HEPHL1: variants seen among roughly 807,000 people sequenced by gnomAD.
HEPHL1 encodes the protein ferroxidase HEPHL1.
A neutral mutation model predicts 122.0 loss-of-function variants in HEPHL1; 123 were observed. That is an observed-to-expected ratio of 1.01 (90% CI 0.87 to 1.17). The LOEUF is 1.17. Ranked by LOEUF, HEPHL1 falls within the 50% of genes most tolerant of loss-of-function variation. HEPHL1 has a pLI of 0.00. For missense variants in HEPHL1, 1,452 were observed against 1,430.5 expected (o/e 1.01, Z -0.24); for synonymous variants, 527 against 508.9 (o/e 1.04, Z -0.48).
At chr11:94,044,190 G>A (rs1945813142) in intron 1 of HEPHL1, among the ~76,000 whole-genome samples, 1 of 152,098 alleles carries the variant, frequency 6.6e-6, no homozygotes. Flanking sequence ...CACCTCCCAA[G>A]TGGTGCTATT....
intron 17 of HEPHL1, among the ~76,000 whole-genome samples, chr11:94,106,587 G>A (rs968938982): frequency 6.6e-6 from 1 of 152,032 alleles, no homozygotes; most frequent in Admixed American, 6.6e-5. Context: ...GAGCCACCAC[G>A]CCAGGCCTGG....
At chr11:94,096,382 TG>T (rs566696574) in intron 13 of HEPHL1, among the ~76,000 whole-genome samples, 2 of 152,348 alleles carry the variant, frequency 1.3e-5, no homozygotes, top group African/African-American at 4.8e-5. Flanking sequence ...CACTTGATCA[TG>T]GTGGATAAAC....
chr11:94,036,559 C>T lies in HEPHL1; in HGVS notation c.171-9114C>T, dbSNP rs189247006. Among the ~76,000 whole-genome samples the T allele has an allele frequency of 5.7e-4, 87 of 152,230 alleles. 1 individual carries two copies. Among genetic ancestry groups the T allele is most frequent in the Admixed American group, 4.8e-3 (73 of 15,288 alleles). On this transcript the variant is annotated intron_variant, in intron 1 of 19. Coordinates refer to ENST00000315765, the MANE Select transcript of HEPHL1 (RefSeq NM_001098672.2). ...GTCTTCTAGATCCAACTGGTCTACCCATCTTAGAATTACCCTGACACTCAC... is the reference window on the plus strand; with the variant it reads ...GTCTTCTAGATCCAACTGGTCTACCTATCTTAGAATTACCCTGACACTCAC...
chr11:94,049,460 T>A (rs2134418133), intron 2 of HEPHL1, among the ~76,000 whole-genome samples: 1 of 152,006 alleles, frequency 6.6e-6, no homozygotes, highest in South Asian at 2.1e-4. Context: ...AAATGAAAAC[T>A]AGAACTCCCA....
intron 1 of HEPHL1, among the ~76,000 whole-genome samples, chr11:94,026,713 C>T (rs1258155192): frequency 1.3e-5 from 2 of 152,162 alleles, no homozygotes; most frequent in South Asian, 2.1e-4. Flanking sequence ...CAGGTGGCAT[C>T]GGGAGGATTT....
intron 15 of HEPHL1, 52 bp downstream of exon 15, chr11:94,103,072 A>T (rs1213449456): frequency 9.8e-7 from 1 of 1,021,062 alleles, no homozygotes; most frequent in African/African-American, 1.6e-5. Flanking sequence ...ATGAAAGTTG[A>T]CTACTTGGGT....
At position 94,038,091 on chromosome 11, in the gene HEPHL1, G is replaced by A. The variant is rs1024740959; in HGVS notation, c.171-7582G>A. Among the ~76,000 whole-genome samples the A allele has an allele frequency of 1.6e-3, 240 of 149,556 alleles. 3 individuals carry two copies. Among genetic ancestry groups the A allele is most frequent in the African/African-American group, 5.6e-3 (223 of 40,164 alleles). ...GAAGAATGCAGAAGCCTCAGGAGCC[G>A]ATGCGATCGACTGGAAGAAAGGGTA... On this transcript the variant is annotated intron_variant, in intron 1 of 19. Transcript: ENST00000315765.
chr11:94,033,453 T>C (rs946909421), intron 1 of HEPHL1, among the ~76,000 whole-genome samples: 1 of 152,092 alleles, frequency 6.6e-6, no homozygotes, highest in Non-Finnish European at 1.5e-5. Context: ...TGGCCATTTG[T>C]GTAGGGTAAG....
At chr11:94,042,882 A>AAAAAAAAAAAAAAAAAC (rs1449884226) in intron 1 of HEPHL1, among the ~76,000 whole-genome samples, 118 of 136,854 alleles carry the variant, frequency 8.6e-4, no homozygotes, top group Middle Eastern at 3.6e-3. Context: ...TAATAAAAAA[A>AAAAAAAAAAAAAAAAAC]AAAAAAAAAA....
chr11:94,044,973 A>G (rs1945820793), intron 1 of HEPHL1, among the ~76,000 whole-genome samples: 1 of 151,958 alleles, frequency 6.6e-6, no homozygotes, highest in Non-Finnish European at 1.5e-5. Flanking sequence ...TGGCATGATC[A>G]TGGCTCACTG....
At chr11:94,043,801 T>A (rs986474251) in intron 1 of HEPHL1, among the ~76,000 whole-genome samples, 1 of 152,070 alleles carries the variant, frequency 6.6e-6, no homozygotes, top group Non-Finnish European at 1.5e-5. Context: ...TGACTCCAGA[T>A]TAGATGCCCC....
At chr11:94,059,009 G>C (rs140783945) in intron 2 of HEPHL1, among the ~76,000 whole-genome samples, 35 of 152,094 alleles carry the variant, frequency 2.3e-4, no homozygotes, top group Admixed American at 2.3e-3. Context: ...AGAGTAAAGA[G>C]GTATAAGAAG....
chr11:94,027,454 C>T (rs979856687), intron 1 of HEPHL1, among the ~76,000 whole-genome samples: 1 of 152,134 alleles, frequency 6.6e-6, no homozygotes, highest in Non-Finnish European at 1.5e-5. Context: ...GAGCAGGAGC[C>T]CTGGGGGAAA....
chr11:94,044,751 C>T (rs1252745948), intron 1 of HEPHL1, among the ~76,000 whole-genome samples: 1 of 149,752 alleles, frequency 6.7e-6, no homozygotes, highest in Non-Finnish European at 1.5e-5. Context: ...GCAATCTTTT[C>T]ATTCTCCAAA....
intron 12 of HEPHL1, among the ~76,000 whole-genome samples, chr11:94,090,843 G>C (rs1329758398): frequency 6.6e-6 from 1 of 152,064 alleles, no homozygotes; most frequent in Non-Finnish European, 1.5e-5. Flanking sequence ...TATTATCCTG[G>C]TCAGCACAGG....
chr11:94,101,147 T>A, intron 13 of HEPHL1, 48 bp from the exon 14 acceptor site: 2 of 1,589,758 alleles, frequency 1.3e-6, no homozygotes, highest in Non-Finnish European at 1.7e-6. Flanking sequence ...ATTACACTAA[T>A]GTTGAAAGAG....
At chr11:94,054,784 T>C (rs1945921844) in intron 2 of HEPHL1, among the ~76,000 whole-genome samples, 1 of 152,252 alleles carries the variant, frequency 6.6e-6, no homozygotes, top group Admixed American at 6.5e-5. Flanking sequence ...AAAGCCAGTC[T>C]GCATAGGCAC....
At chr11:94,093,461 C>A (rs1314612281) in intron 12 of HEPHL1, 40 bp from the exon 13 acceptor site, 2 of 1,611,290 alleles carry the variant, frequency 1.2e-6, no homozygotes, top group Non-Finnish European at 1.7e-6. Flanking sequence ...AGCTTTTCTG[C>A]TTTCTGACAA....
intron 13 of HEPHL1, among the ~76,000 whole-genome samples, chr11:94,095,697 G>C (rs537307822): frequency 2.6e-5 from 4 of 152,016 alleles, no homozygotes; most frequent in Non-Finnish European, 4.4e-5. Context: ...CTTTTATTTT[G>C]TTGAGCAGTG....
Sources: gnomAD v4.1 joint callset for allele counts (sites outside exome capture counted in the v4.1 genomes callset) on GRCh38, gnomAD v4.1.1 for gene constraint, MANE v1.5 for transcripts, NCBI Gene and HGNC (gene_info 2026-07-23, HGNC 2026-07-21) for gene names.